The following ADCY2 variants were observed in gnomAD, a reference collection of about 807,000 sequenced individuals.
ADCY2 encodes the protein adenylate cyclase 2.
Under a neutral mutation model 125.2 loss-of-function variants are expected in ADCY2, and 31 were observed. That is an observed-to-expected ratio of 0.25 (90% CI 0.19 to 0.33). The LOEUF (loss-of-function observed/expected upper bound fraction) is 0.33. Among genes scored for constraint, ADCY2 ranks in the 10% least tolerant of loss-of-function variants. The pLI, the probability that ADCY2 is intolerant of heterozygous loss-of-function variation, is 1.00. For synonymous variants in ADCY2, 512 were observed against 548.4 expected, an observed-to-expected ratio of 0.93 and a Z score of 0.93; for missense variants, 904 against 1,418.2, an observed-to-expected ratio of 0.64 and a Z score of 5.82.
At chr5:7,674,391 A>T (rs1451765648) in intron 4 of ADCY2, among the ~76,000 whole-genome samples, 1 of 152,144 alleles carries the variant, frequency 6.6e-6, no homozygotes, top group South Asian at 2.1e-4. Context: ...CCCACAGGAC[A>T]GCAGGGCTGG....
At chr5:7,568,622 G>T (rs562799702) in intron 3 of ADCY2, among the ~76,000 whole-genome samples, 1 of 152,276 alleles carries the variant, frequency 6.6e-6, no homozygotes, top group African/African-American at 2.4e-5. Context: ...TTTCACACCA[G>T]ATAGGCTGTT....
chr5:7,695,383 G>T (rs1740855083), intron 5 of ADCY2, among the ~76,000 whole-genome samples: 2 of 152,182 alleles, frequency 1.3e-5, no homozygotes, highest in Non-Finnish European at 2.9e-5. Flanking sequence ...GCTAAATTCT[G>T]AACGTCAGGA....
At chr5:7,592,937 C>T (rs1465756998) in intron 3 of ADCY2, among the ~76,000 whole-genome samples, 1 of 152,160 alleles carries the variant, frequency 6.6e-6, no homozygotes, top group Non-Finnish European at 1.5e-5. Flanking sequence ...GAGAATTCCT[C>T]CTGGGATTGT....
Position 7,396,296 on chromosome 5 carries a change from G to A in ADCY2, c.-1G>A, listed in dbSNP as rs1195597072. On this transcript the variant is annotated 5_prime_UTR_variant, in exon 1 of 25. Transcript: ENST00000338316. The surrounding 1 kb of genome is among the most constrained non-coding windows in gnomAD (Gnocchi z 5.7). Reference sequence around the variant, plus strand: ...CGGCGGGCGCCCTGTGAGCGGCCCCGATGTGGCAGGAGGCGATGCGGCGCC... The same window carrying A: ...CGGCGGGCGCCCTGTGAGCGGCCCCAATGTGGCAGGAGGCGATGCGGCGCC... The A allele has an allele frequency of 2.2e-6, 3 of 1,345,726 alleles. No homozygotes were observed. In the South Asian group the frequency reaches 5.0e-5, roughly 22 times the overall value. 83.4% of individuals were successfully genotyped at this position (1,345,726 alleles called of 1,614,324 possible). A position where few individuals can be genotyped will look rare whatever the true frequency, so the allele number is the denominator to read the frequency against.
intron 7 of ADCY2, among the ~76,000 whole-genome samples, chr5:7,706,058 G>A (rs939931190): frequency 2.0e-5 from 3 of 152,130 alleles, no homozygotes; most frequent in African/African-American, 4.8e-5. Context: ...CTGTATACTT[G>A]TTTTGCAATA....
At chr5:7,741,493 T>C (rs1393868247) in intron 14 of ADCY2, among the ~76,000 whole-genome samples, 2 of 147,286 alleles carry the variant, frequency 1.4e-5, no homozygotes, top group Admixed American at 6.9e-5. Context: ...TTTTAGGATG[T>C]AGCATCACCA....
At chr5:7,586,965 T>G (rs116689833) in intron 3 of ADCY2, among the ~76,000 whole-genome samples, 45,756 of 151,732 alleles carry the variant, frequency 0.3, 6,949 homozygotes, top group East Asian at 0.43. Context: ...TCTGTACATT[T>G]TCACACAGGT....
intron 15 of ADCY2, among the ~76,000 whole-genome samples, chr5:7,751,873 TC>T (rs1742835700): frequency 6.6e-6 from 1 of 152,124 alleles, no homozygotes; most frequent in Non-Finnish European, 1.5e-5. Context: ...ATCACTGAGC[TC>T]TCTCTTTGTT....
At chr5:7,719,121 TC>T (rs1415094360) in intron 12 of ADCY2, among the ~76,000 whole-genome samples, 1 of 152,236 alleles carries the variant, frequency 6.6e-6, no homozygotes, top group Non-Finnish European at 1.5e-5. Context: ...ACCAAACAAA[TC>T]ATCAGAGAGT....
chr5:7,648,513 A>G (rs559531971), intron 4 of ADCY2, among the ~76,000 whole-genome samples: 13 of 152,320 alleles, frequency 8.5e-5, no homozygotes, highest in Admixed American at 2.6e-4. Flanking sequence ...TAGTGTTTCA[A>G]GTAATAAGCA....
At position 7,828,666 on chromosome 5, in the gene ADCY2, A is replaced by C. The variant is rs1382645075; in HGVS notation, c.*1795A>C. On this transcript the variant is annotated 3_prime_UTR_variant, in exon 25 of 25. Coordinates refer to ENST00000338316, the MANE Select transcript of ADCY2 (RefSeq NM_020546.3). ...ACTCAGCATTGGCCTTAATATACCT[A>C]AATCTCCAAAAACAGTGATTAAAGC... 6.6e-6 allele frequency: 1 copy of C among 152,340 alleles called. No individual in the cohort carries two copies. The highest frequency in any genetic ancestry group is 6.5e-5 in the Admixed American group (1 of 15,282). 9.4% of individuals were successfully genotyped at this position (152,340 alleles called of 1,614,324 possible).
chr5:7,676,722 G>A (rs759128865), intron 4 of ADCY2, among the ~76,000 whole-genome samples: 15 of 152,156 alleles, frequency 9.9e-5, no homozygotes, highest in South Asian at 2.1e-4. Flanking sequence ...AATAATTTGC[G>A]TATTCACCCT....
chr5:7,779,741 A>C (rs887909441), intron 18 of ADCY2, among the ~76,000 whole-genome samples: 1 of 152,168 alleles, frequency 6.6e-6, no homozygotes, highest in Non-Finnish European at 1.5e-5. Context: ...CCTTTGAGCC[A>C]TCTGTCCCTG....
At chr5:7,723,603 AATTAT>A (rs1741834185) in intron 12 of ADCY2, among the ~76,000 whole-genome samples, 1 of 152,166 alleles carries the variant, frequency 6.6e-6, no homozygotes, top group Non-Finnish European at 1.5e-5. Context: ...ACGGATTGCT[AATTAT>A]ATTAGTATTT....
intron 4 of ADCY2, among the ~76,000 whole-genome samples, chr5:7,639,548 A>G (rs1213427784): frequency 1.3e-5 from 2 of 152,166 alleles, no homozygotes; most frequent in Non-Finnish European, 2.9e-5. Context: ...GTTTTTAGCA[A>G]TCTTTGGACT....
At chr5:7,706,339 G>A (rs564377345) in intron 7 of ADCY2, among the ~76,000 whole-genome samples, 1 of 152,330 alleles carries the variant, frequency 6.6e-6, no homozygotes, top group African/African-American at 2.4e-5. Context: ...TCGTTGGAGA[G>A]GTACATTGTG....
intron 2 of ADCY2, among the ~76,000 whole-genome samples, chr5:7,444,300 A>G (rs1741145299): frequency 6.6e-6 from 1 of 151,758 alleles, no homozygotes; most frequent in Non-Finnish European, 1.5e-5. Context: ...TATTTTTAGT[A>G]GAGATGGGGT....
intron 2 of ADCY2, among the ~76,000 whole-genome samples, chr5:7,459,096 G>A (rs1008768997): frequency 1.3e-5 from 2 of 152,226 alleles, no homozygotes; most frequent in African/African-American, 2.4e-5. Flanking sequence ...CTGTAGGTGG[G>A]TGCGGATCTT....
At chr5:7,487,982 T>C (rs115881774) in intron 2 of ADCY2, among the ~76,000 whole-genome samples, 5,022 of 152,244 alleles carry the variant, frequency 0.033, 279 homozygotes, top group African/African-American at 0.11. Context: ...TTTTTAATGT[T>C]TGGATTCCTA....
Sources: gnomAD v4.1 joint callset for allele counts (sites outside exome capture counted in the v4.1 genomes callset) on GRCh38, gnomAD v4.1.1 for gene constraint, Gnocchi (gnomAD v3.1) non-coding constraint, MANE v1.5 for transcripts, NCBI Gene and HGNC (gene_info 2026-07-23, HGNC 2026-07-21) for gene names.